Variants in YEATS4 observed in about 807,000 individuals in gnomAD.
The protein encoded by YEATS4 is YEATS domain-containing protein 4.
A neutral mutation model predicts 30.1 loss-of-function variants in YEATS4; 17 were observed. That is an observed-to-expected ratio of 0.56 (90% confidence interval 0.39 to 0.85). YEATS4 has a LOEUF of 0.85. Ranked by LOEUF, YEATS4 falls within the 40% of genes least tolerant of loss-of-function variation. The pLI is 0.00. For missense variants in YEATS4, 142 were observed against 268.3 expected (o/e 0.53, Z 3.29); for synonymous variants, 85 against 87.5 (o/e 0.97, Z 0.16).
Position 69,360,008 on chromosome 12 carries a change from C to G in YEATS4, c.36C>G (p.Ser12=). 6.2e-7 allele frequency: 1 copy of G among 1,613,580 alleles called. No homozygotes were observed. The highest frequency in any genetic ancestry group is 1.7e-5 in the Admixed American group (1 of 59,968). The change falls in exon 1 of 7, where the codon TCC becomes TCG. Residue 12 remains serine (S), a synonymous_variant. Coordinates refer to ENST00000247843, the MANE Select transcript of YEATS4 (RefSeq NM_006530.4). ...GAATGGCCGAATTTGGGCCTGACTC[C>G]GGCGGGAGAGTAAAGGTCAGTGCCC... The part of the protein sequence containing the change: ...FKRMAEFGPD[S]GGRVKGVTIV...
the YEATS4 span, among the ~76,000 whole-genome samples, chr12:69,398,488 A>C: frequency 6.6e-6 from 1 of 152,188 alleles, no homozygotes; most frequent in African/African-American, 2.4e-5. Context: ...ACTTGGGAAT[A>C]TAACACCTAA....
chr12:69,422,393 AGG>A, the YEATS4 span, among the ~76,000 whole-genome samples: 3 of 152,156 alleles, frequency 2.0e-5, no homozygotes, highest in Admixed American at 6.5e-5. Context: ...GCACTTTCAG[AGG>A]CTGAGGTGGG....
rs376940807 is a variant in YEATS4, at chr12:69,370,859, T to C, written c.427-29T>C. 5.6e-6 allele frequency: 9 copies of C among 1,602,590 alleles called. No individual in the cohort carries two copies. In the African/African-American group the frequency reaches 8.1e-5, roughly 14 times the overall value. On this transcript the variant is annotated intron_variant, in intron 5 of 6. Transcript: ENST00000247843. ...TTGAAGTTGGAGAACTTTGAAGTTA[T>C]TGGGTTTTTGTTCATTTTATCCCAT... is the stretch of plus-strand genomic sequence containing the variant.
intron 1 of YEATS4, among the ~76,000 whole-genome samples, chr12:69,360,727 A>C (rs969165834): frequency 2.7e-5 from 4 of 148,658 alleles, no homozygotes; most frequent in Non-Finnish European, 6.0e-5. Flanking sequence ...GCGCAATGGC[A>C]CGATCTCGGC....
chr12:69,410,929 T>A, the YEATS4 span, among the ~76,000 whole-genome samples: 1 of 152,180 alleles, frequency 6.6e-6, no homozygotes, highest in Non-Finnish European at 1.5e-5. Flanking sequence ...TTAAATGAAA[T>A]CTTTCTAGGA....
intron 4 of YEATS4, among the ~76,000 whole-genome samples, chr12:69,368,222 T>C (rs1242527093): frequency 6.6e-6 from 1 of 152,202 alleles, no homozygotes; most frequent in Non-Finnish European, 1.5e-5. Context: ...ACAAGTTGGT[T>C]GGAAGACAAC....
intron 6 of YEATS4, among the ~76,000 whole-genome samples, chr12:69,373,740 G>A (rs1875735855): frequency 6.6e-6 from 1 of 151,894 alleles, no homozygotes; most frequent in African/African-American, 2.4e-5. Context: ...TTTTCTTTTA[G>A]TAGTTTAATA....
At chr12:69,375,905 G>A (rs1003955086) in intron 6 of YEATS4, among the ~76,000 whole-genome samples, 8 of 152,140 alleles carry the variant, frequency 5.3e-5, no homozygotes, top group African/African-American at 1.7e-4. Context: ...AGAGGGAGGG[G>A]GAGGGGGAGA....
the YEATS4 span, chr12:69,401,111 G>T: frequency 6.6e-6 from 1 of 151,784 alleles, no homozygotes; most frequent in Non-Finnish European, 1.5e-5. Flanking sequence ...AATGAAGCAG[G>T]TCAGAACTCC....
chr12:69,360,677 T>A (rs879940741), intron 1 of YEATS4, among the ~76,000 whole-genome samples: 49 of 151,716 alleles, frequency 3.2e-4, no homozygotes, highest in South Asian at 6.3e-4. Flanking sequence ...ATTTTTTTTT[T>A]TTTTTGAGAC....
the YEATS4 span, among the ~76,000 whole-genome samples, chr12:69,409,219 T>C: frequency 6.6e-6 from 1 of 152,234 alleles, no homozygotes; most frequent in African/African-American, 2.4e-5. Context: ...ATGTTTAAAG[T>C]AGTCATAATC....
intron 6 of YEATS4, among the ~76,000 whole-genome samples, chr12:69,375,722 GA>G (rs936863771): frequency 3.3e-5 from 5 of 152,178 alleles, no homozygotes; most frequent in Non-Finnish European, 7.4e-5. Flanking sequence ...CCAACACGGC[GA>G]AACCCCGTCT....
At chr12:69,399,420 G>A in the YEATS4 span, among the ~76,000 whole-genome samples, 1 of 152,102 alleles carries the variant, frequency 6.6e-6, no homozygotes, top group African/African-American at 2.4e-5. Flanking sequence ...AACATCATTT[G>A]GAAATACAAA....
the YEATS4 span, among the ~76,000 whole-genome samples, chr12:69,399,833 A>G: frequency 6.6e-6 from 1 of 152,244 alleles, no homozygotes; most frequent in Non-Finnish European, 1.5e-5. Flanking sequence ...CTAAACATGC[A>G]GAATGAATCT....
the YEATS4 span, among the ~76,000 whole-genome samples, chr12:69,414,516 C>A: frequency 6.6e-6 from 1 of 152,198 alleles, no homozygotes; most frequent in African/African-American, 2.4e-5. Context: ...CAGGCATGAG[C>A]CACCATGCCC....
At chr12:69,393,185 C>T (rs1167408158), downstream of YEATS4, among the ~76,000 whole-genome samples, 2 of 152,152 alleles carry the variant, frequency 1.3e-5, no homozygotes, top group Non-Finnish European at 2.9e-5. Context: ...TGGTGGCTCA[C>T]GCCTGTAGTC....
At position 69,362,954 on chromosome 12, in the gene YEATS4, A is replaced by G. The variant is rs766219728; in HGVS notation, c.171+47A>G. 6.1e-6 allele frequency: 7 copies of G among 1,143,736 alleles called. No homozygotes were observed. In the African/African-American group the frequency reaches 1.2e-4, roughly 19 times the overall value. 70.8% of individuals were successfully genotyped at this position (1,143,736 alleles called of 1,614,324 possible). A position where few individuals can be genotyped will look rare whatever the true frequency, so the allele number is the denominator to read the frequency against. ...AACTGTTTTACTTAAAGTTGTCTGTAATTTGTTTTGCTTAAAGACAACCTG... is the reference window on the plus strand; with the variant it reads ...AACTGTTTTACTTAAAGTTGTCTGTGATTTGTTTTGCTTAAAGACAACCTG... On this transcript the variant is annotated intron_variant, in intron 2 of 6. Transcript: ENST00000247843.
chr12:69,385,006 G>A (rs1443233969), intron 6 of YEATS4, among the ~76,000 whole-genome samples: 4 of 151,374 alleles, frequency 2.6e-5, no homozygotes, highest in Non-Finnish European at 5.9e-5. Context: ...TATTAAATTA[G>A]CAAAAGCATT....
chr12:69,399,711 G>T, the YEATS4 span, among the ~76,000 whole-genome samples: 1 of 152,160 alleles, frequency 6.6e-6, no homozygotes, highest in South Asian at 2.1e-4. Context: ...GCATCATTCA[G>T]AATAGCTAAA....
Sources: gnomAD v4.1 joint callset for allele counts (sites outside exome capture counted in the v4.1 genomes callset) on GRCh38, gnomAD v4.1.1 for gene constraint, MANE v1.5 for transcripts, NCBI Gene and HGNC (gene_info 2026-07-23, HGNC 2026-07-21) for gene names.